The following EGFR variants were observed in gnomAD, a reference collection of about 807,000 sequenced individuals.
EGFR encodes avian erythroblastic leukemia viral (v-erb-b) oncogene homolog.
Under a neutral mutation model 143.0 loss-of-function variants are expected in EGFR, and 58 were observed. That is an observed-to-expected ratio of 0.41 (90% CI 0.33 to 0.50). EGFR has a LOEUF of 0.50. EGFR is among the 20% of genes least tolerant of loss of function. The probability of loss-of-function intolerance (pLI) is 0.39; values close to 1 mark genes in which losing one functional copy is unlikely to be tolerated. For missense variants in EGFR, 1,307 were observed against 1,579.0 expected (o/e 0.83, Z 2.92); for synonymous variants, 613 against 594.4 (o/e 1.03, Z -0.45).
intron 1 of EGFR, among the ~76,000 whole-genome samples, chr7:55,058,704 G>T (rs1788985453): frequency 6.6e-6 from 1 of 152,078 alleles, no homozygotes; most frequent in Admixed American, 6.6e-5. Flanking sequence ...AGGGTTGAAG[G>T]GAGAGAAGCA....
intron 27 of EGFR, 117 bp from the exon 28 acceptor site, chr7:55,205,139 C>T: frequency 6.6e-7 from 1 of 1,503,994 alleles, no homozygotes; most frequent in Non-Finnish European, 9.0e-7. Context: ...TCCCGAGGCT[C>T]CTGCTCCCTG....
chr7:55,072,994 A>G (rs950663757), intron 1 of EGFR, among the ~76,000 whole-genome samples: 1 of 152,200 alleles, frequency 6.6e-6, no homozygotes, highest in African/African-American at 2.4e-5. Flanking sequence ...CACTACTTTT[A>G]GATAAGGAAT....
intron 1 of EGFR, among the ~76,000 whole-genome samples, chr7:55,096,103 G>A (rs1791454511): frequency 6.6e-6 from 1 of 152,170 alleles, no homozygotes; most frequent in African/African-American, 2.4e-5. Flanking sequence ...AGTGAAAGAA[G>A]CCTTGTTTTT....
intron 1 of EGFR, among the ~76,000 whole-genome samples, chr7:55,074,593 G>C (rs973957704): frequency 4.6e-5 from 7 of 152,258 alleles, no homozygotes; most frequent in Admixed American, 3.9e-4. Context: ...ATATCGTCTT[G>C]CTTGCTCCCC....
At chr7:55,167,540 CAGT>C (rs1786116174) in intron 15 of EGFR, among the ~76,000 whole-genome samples, 1 of 124,540 alleles carries the variant, frequency 8.0e-6, no homozygotes, top group Non-Finnish European at 1.7e-5. Flanking sequence ...GTGGGAGTCA[CAGT>C]GGTGGTGGTG....
In EGFR at chr7:55,205,691, A is replaced by G. The variant is rs1336653934; in HGVS notation, c.*74A>G. 2 of 1,608,730 alleles carry G rather than the reference A, an allele frequency of 1.2e-6. No individual in the cohort carries two copies. Among genetic ancestry groups the G allele is most frequent in the Non-Finnish European group, 1.7e-6 (2 of 1,177,280 alleles). On this transcript the variant is annotated 3_prime_UTR_variant, in exon 28 of 28. Coordinates refer to ENST00000275493, the MANE Select transcript of EGFR (RefSeq NM_005228.5). ...AGGACCAAGCCACAGCAGGTCCTCC[A>G]TCCCAACAGCCATGCCCGCATTAGC...
At chr7:55,059,781 G>A (rs971920366) in intron 1 of EGFR, among the ~76,000 whole-genome samples, 2 of 152,156 alleles carry the variant, frequency 1.3e-5, no homozygotes, top group African/African-American at 4.8e-5. Context: ...ATAAATACTT[G>A]CATGAATGCA....
At chr7:55,174,181 G>A (rs1786487718) in intron 18 of EGFR, 138 bp downstream of exon 18, 4 of 1,283,868 alleles carry the variant, frequency 3.1e-6, no homozygotes, top group African/African-American at 1.5e-5. Context: ...GGAAACTCCA[G>A]TGTTTTTCCC....
intron 1 of EGFR, among the ~76,000 whole-genome samples, chr7:55,021,787 C>T (rs1409253348): frequency 6.6e-6 from 1 of 152,160 alleles, no homozygotes; most frequent in Admixed American, 6.5e-5. Context: ...TTCATGAGTC[C>T]TAATCCCCAC....
At chr7:55,163,463 T>C (rs958351848) in intron 13 of EGFR, among the ~76,000 whole-genome samples, 4 of 152,230 alleles carry the variant, frequency 2.6e-5, no homozygotes, top group African/African-American at 9.6e-5. Context: ...TTTTCTTTTA[T>C]CATTTGGCTT....
chr7:55,181,578 G>C lies in EGFR; in HGVS notation c.2469+100G>C, dbSNP rs41498945. 4,428 of 1,374,302 alleles carry C rather than the reference G, an allele frequency of 3.2e-3. 8 individuals carry two copies. Among genetic ancestry groups the C allele is most frequent in the Non-Finnish European group, 3.8e-3 (3,688 of 969,780 alleles). The allele number at this position is 1,374,302 out of a possible 1,614,324, so 85.1% of individuals were successfully genotyped here. A position where few individuals can be genotyped will look rare whatever the true frequency, so the allele number is the denominator to read the frequency against. ...TAGCAAGAGTTTGCCATGGGGATAT[G>C]TGTGTGCGTGCATGCAGCACACACA... is the stretch of plus-strand genomic sequence containing the variant. On this transcript the variant is annotated intron_variant, in intron 20 of 27. Transcript: ENST00000275493.
At chr7:55,118,500 C>T (rs986557821) in intron 1 of EGFR, among the ~76,000 whole-genome samples, 1 of 152,178 alleles carries the variant, frequency 6.6e-6, no homozygotes, top group East Asian at 1.9e-4. Flanking sequence ...ATTTCTCCCC[C>T]ACTCCCCGGC....
chr7:55,148,325 T>C (rs1794873306), intron 4 of EGFR, among the ~76,000 whole-genome samples: 1 of 152,044 alleles, frequency 6.6e-6, no homozygotes, highest in South Asian at 2.1e-4. Flanking sequence ...TTGCCATGGA[T>C]CAGGTCAGGC....
intron 20 of EGFR, among the ~76,000 whole-genome samples, chr7:55,189,590 T>A (rs1787297566): frequency 6.6e-6 from 1 of 152,174 alleles, no homozygotes; most frequent in South Asian, 2.1e-4. Flanking sequence ...GCTTAATGAA[T>A]ATGTAGAAAC....
At chr7:55,196,712 G>A (rs913778892) in intron 22 of EGFR, among the ~76,000 whole-genome samples, 9 of 151,484 alleles carry the variant, frequency 5.9e-5, no homozygotes, top group Admixed American at 5.3e-4. Flanking sequence ...TGTAAGGAAG[G>A]AGTCCAGTTT....
At chr7:55,123,496 G>T (rs1011602396) in intron 1 of EGFR, among the ~76,000 whole-genome samples, 18 of 151,896 alleles carry the variant, frequency 1.2e-4, no homozygotes, top group African/African-American at 4.4e-4. Context: ...CTTCCTTTTT[G>T]GTGTAGCATC....
chr7:55,125,371 T>G (rs1793462593), intron 1 of EGFR, among the ~76,000 whole-genome samples: 1 of 152,286 alleles, frequency 6.6e-6, no homozygotes, highest in South Asian at 2.1e-4. Flanking sequence ...TCATAGTATT[T>G]GAAAGTTACA....
At chr7:55,129,259 G>A (rs181091552) in intron 1 of EGFR, among the ~76,000 whole-genome samples, 2 of 152,354 alleles carry the variant, frequency 1.3e-5, no homozygotes, top group East Asian at 1.9e-4. Context: ...GGCCACACAC[G>A]TGGAATTCCC....
At chr7:55,048,487 A>T (rs1423676623) in intron 1 of EGFR, among the ~76,000 whole-genome samples, 1 of 152,228 alleles carries the variant, frequency 6.6e-6, no homozygotes, top group Middle Eastern at 3.2e-3. Flanking sequence ...AGGGCCTTCC[A>T]TGATGCTTTC....
Sources: allele counts gnomAD v4.1 joint callset (sites outside exome capture counted in the v4.1 genomes callset), GRCh38; gene constraint gnomAD v4.1.1; transcripts MANE v1.5; gene names NCBI Gene and HGNC (gene_info 2026-07-23, HGNC 2026-07-21).